Variants in GALNT13 observed in about 807,000 individuals in gnomAD.
The protein encoded by GALNT13 is UDP-GalNAc:polypeptide N-acetylgalactosaminyltransferase 13.
A neutral mutation model predicts 64.2 loss-of-function variants in GALNT13; 28 were observed. That is an observed-to-expected ratio of 0.44 (90% CI 0.32 to 0.60). The LOEUF (loss-of-function observed/expected upper bound fraction) is 0.60. Ranked by LOEUF, GALNT13 falls within the 20% of genes least tolerant of loss-of-function variation. The pLI is 0.05. For missense variants in GALNT13, 577 were observed against 669.8 expected, an observed-to-expected ratio of 0.86 and a Z score of 1.53; for synonymous variants, 214 against 224.6, an observed-to-expected ratio of 0.95 and a Z score of 0.42.
the GALNT13 span, among the ~76,000 whole-genome samples, chr2:153,548,543 A>C: frequency 6.6e-6 from 1 of 152,290 alleles, no homozygotes; most frequent in Non-Finnish European, 1.5e-5. Context: ...CTTCCAGTGA[A>C]TCTTTCTGAC....
At chr2:153,828,063 C>T in the GALNT13 span, among the ~76,000 whole-genome samples, 3 of 152,214 alleles carry the variant, frequency 2.0e-5, no homozygotes, top group Non-Finnish European at 4.4e-5. Flanking sequence ...GAGGCAGGTT[C>T]CCATAGTATT....
chr2:153,320,559 A>G, the GALNT13 span, among the ~76,000 whole-genome samples: 1 of 152,216 alleles, frequency 6.6e-6, no homozygotes, highest in Non-Finnish European at 1.5e-5. Flanking sequence ...TTATGAAAAG[A>G]TATTTTGAGA....
At chr2:153,081,737 C>T in the GALNT13 span, among the ~76,000 whole-genome samples, 1 of 152,170 alleles carries the variant, frequency 6.6e-6, no homozygotes, top group Non-Finnish European at 1.5e-5. Flanking sequence ...CCGCTATGTA[C>T]ATGTACCACA....
chr2:154,124,603 A>G (rs1400941629), intron 3 of GALNT13, among the ~76,000 whole-genome samples: 1 of 152,044 alleles, frequency 6.6e-6, no homozygotes, highest in African/African-American at 2.4e-5. Flanking sequence ...AAGTAGTAAA[A>G]TATATACACT....
the GALNT13 span, among the ~76,000 whole-genome samples, chr2:153,669,561 C>G: frequency 3.3e-5 from 5 of 152,126 alleles, no homozygotes; most frequent in African/African-American, 1.2e-4. Flanking sequence ...GCAGTTGCTT[C>G]CAAGATGGCC....
chr2:153,543,063 A>G, the GALNT13 span, among the ~76,000 whole-genome samples: 21 of 152,190 alleles, frequency 1.4e-4, no homozygotes, highest in African/African-American at 5.1e-4. Flanking sequence ...CGCCCCATTG[A>G]TTGCCTTGGA....
intron 10 of GALNT13, among the ~76,000 whole-genome samples, chr2:154,402,125 A>G (rs894467761): frequency 1.3e-5 from 2 of 152,200 alleles, no homozygotes; most frequent in Admixed American, 1.3e-4. Flanking sequence ...ATAATATGCA[A>G]TTGAAGGATA....
the GALNT13 span, among the ~76,000 whole-genome samples, chr2:153,798,893 T>A: frequency 1.3e-5 from 2 of 152,198 alleles, no homozygotes; most frequent in Non-Finnish European, 2.9e-5. Flanking sequence ...TTAAGCACTA[T>A]TATTGCTGAT....
chr2:153,512,131 G>T, the GALNT13 span, among the ~76,000 whole-genome samples: 1 of 152,088 alleles, frequency 6.6e-6, no homozygotes, highest in South Asian at 2.1e-4. Flanking sequence ...TACCTATGAG[G>T]ACATTGAAAC....
At chr2:153,716,903 T>C in the GALNT13 span, among the ~76,000 whole-genome samples, 2 of 152,172 alleles carry the variant, frequency 1.3e-5, no homozygotes, top group African/African-American at 2.4e-5. Flanking sequence ...TATTTTCATG[T>C]TCTTCTTAAA....
chr2:154,197,706 A>G (rs1190558864), intron 4 of GALNT13, among the ~76,000 whole-genome samples: 1 of 150,704 alleles, frequency 6.6e-6, no homozygotes, highest in African/African-American at 2.5e-5. Context: ...AATTAAGCAC[A>G]TCTATTCATT....
the GALNT13 span, among the ~76,000 whole-genome samples, chr2:153,273,758 G>T: frequency 3.8e-4 from 58 of 152,118 alleles, no homozygotes; most frequent in African/African-American, 1.4e-3. Context: ...TCATTTAGTT[G>T]TCTCCACTGG....
chr2:153,755,799 T>C, the GALNT13 span, among the ~76,000 whole-genome samples: 1 of 152,166 alleles, frequency 6.6e-6, no homozygotes, highest in African/African-American at 2.4e-5. Flanking sequence ...TCCTTCAACA[T>C]ACTTACTAGT....
chr2:153,259,318 A>G, the GALNT13 span, among the ~76,000 whole-genome samples: 2 of 149,844 alleles, frequency 1.3e-5, no homozygotes, highest in Non-Finnish European at 3.0e-5. Flanking sequence ...GTGTCTCTTT[A>G]TAGGTGTAGT....
At chr2:153,160,026 T>G in the GALNT13 span, among the ~76,000 whole-genome samples, 2 of 152,220 alleles carry the variant, frequency 1.3e-5, no homozygotes, top group African/African-American at 2.4e-5. Flanking sequence ...AGTTTAAATT[T>G]GTAATGAACT....
chr2:154,384,212 T>C (rs1698405221), intron 9 of GALNT13, among the ~76,000 whole-genome samples: 1 of 151,952 alleles, frequency 6.6e-6, no homozygotes, highest in Non-Finnish European at 1.5e-5. Flanking sequence ...TATTTTTGGT[T>C]AAATATAGAA....
chr2:154,157,876 T>A (rs1245022502), intron 4 of GALNT13, among the ~76,000 whole-genome samples: 1 of 152,204 alleles, frequency 6.6e-6, no homozygotes, highest in Non-Finnish European at 1.5e-5. Context: ...TGAAATAAAT[T>A]TTTCACTTGG....
At chr2:154,124,346 C>T (rs903144267) in intron 3 of GALNT13, among the ~76,000 whole-genome samples, 4 of 151,868 alleles carry the variant, frequency 2.6e-5, no homozygotes, top group Non-Finnish European at 5.9e-5. Flanking sequence ...GAATTTGAAT[C>T]GAGTATATTT....
At chr2:153,318,132 T>TTG in the GALNT13 span, among the ~76,000 whole-genome samples, 1 of 151,688 alleles carries the variant, frequency 6.6e-6, no homozygotes, top group Non-Finnish European at 1.5e-5. Flanking sequence ...GTTTTTTTTT[T>TTG]TTTTTCCTTT....
Sources: allele counts gnomAD v4.1 joint callset (sites outside exome capture counted in the v4.1 genomes callset), GRCh38; gene constraint gnomAD v4.1.1; transcripts MANE v1.5; gene names NCBI Gene and HGNC (gene_info 2026-07-23, HGNC 2026-07-21).